The following HADHB variants were observed in gnomAD, a reference collection of about 807,000 sequenced individuals.
The protein encoded by HADHB is trifunctional enzyme subunit beta, mitochondrial.
HADHB carries 50 observed loss-of-function variants against 61.9 expected under a neutral mutation model. The ratio of observed to expected loss-of-function variants is 0.81; its 90% confidence interval spans 0.64 to 1.02. The LOEUF (loss-of-function observed/expected upper bound fraction) is 1.02, where lower values mean the gene tolerates loss of function less well. HADHB is among the 50% of genes least tolerant of loss of function. The probability of loss-of-function intolerance (pLI) is 0.00; values close to 1 mark genes in which losing one functional copy is unlikely to be tolerated. For missense variants in HADHB, 504 were observed against 586.5 expected (o/e 0.86, Z 1.45); for synonymous variants, 191 against 201.6 (o/e 0.95, Z 0.45).
chr2:26,283,306 C>T (rs532542876), intron 12 of HADHB, among the ~76,000 whole-genome samples: 24 of 152,174 alleles, frequency 1.6e-4, no homozygotes, highest in South Asian at 4.2e-4. Context: ...GGGCAGACCA[C>T]GAGGTCAGGA....
intron 4 of HADHB, among the ~76,000 whole-genome samples, chr2:26,267,890 A>G (rs937036251): frequency 2.0e-5 from 3 of 151,956 alleles, no homozygotes; most frequent in Non-Finnish European, 4.4e-5. Context: ...ATGTAATCCC[A>G]GCACTTTGGG....
At chr2:26,256,768 T>C (rs936752458) in intron 3 of HADHB, among the ~76,000 whole-genome samples, 3 of 152,166 alleles carry the variant, frequency 2.0e-5, no homozygotes, top group Non-Finnish European at 4.4e-5. Context: ...AGCTCTCAAT[T>C]CAGATTCTTA....
chr2:26,290,380 G>A lies in HADHB; in HGVS notation c.*427G>A, dbSNP rs990166765. ...TAATTAATTATGGAAAAATAATTCAGAATCTAAACACCACTGAAAACTTAT... is the reference window on the plus strand; with the variant it reads ...TAATTAATTATGGAAAAATAATTCAAAATCTAAACACCACTGAAAACTTAT... On this transcript the variant is annotated 3_prime_UTR_variant, in exon 16 of 16. Coordinates refer to ENST00000317799, the MANE Select transcript of HADHB (RefSeq NM_000183.3). The A allele has an allele frequency of 5.1e-6, 1 of 196,810 alleles. No individual in the cohort carries two copies. The highest frequency in any genetic ancestry group is 2.4e-5 in the African/African-American group (1 of 42,306). The allele number at this position is 196,810 out of a possible 1,614,324, so 12.2% of individuals were successfully genotyped here.
intron 3 of HADHB, among the ~76,000 whole-genome samples, chr2:26,259,250 C>G (rs1671764727): frequency 6.6e-6 from 1 of 152,174 alleles, no homozygotes; most frequent in African/African-American, 2.4e-5. Context: ...AATGAGTACT[C>G]AGACACAGGT....
chr2:26,249,202 C>T (rs1243960113), intron 1 of HADHB, among the ~76,000 whole-genome samples: 1 of 152,014 alleles, frequency 6.6e-6, no homozygotes, highest in Non-Finnish European at 1.5e-5. Context: ...CTTTCAGTTG[C>T]AAATAACAGA....
intron 5 of HADHB, among the ~76,000 whole-genome samples, chr2:26,273,410 T>C (rs1278867214): frequency 6.6e-6 from 1 of 152,206 alleles, no homozygotes; most frequent in Non-Finnish European, 1.5e-5. Flanking sequence ...TTCCAAATTA[T>C]TTTTTATTCT....
At chr2:26,261,164 C>A (rs1671845406) in intron 3 of HADHB, 3 of 610,234 alleles carry the variant, frequency 4.9e-6, no homozygotes, top group Non-Finnish European at 8.9e-6. Flanking sequence ...GGGCAACTCC[C>A]TTTAGAGGGG....
intron 1 of HADHB, among the ~76,000 whole-genome samples, chr2:26,249,849 A>G (rs925765832): frequency 1.3e-5 from 2 of 152,032 alleles, no homozygotes; most frequent in African/African-American, 4.8e-5. Context: ...ACCTGAATCA[A>G]TGATCTTGGC....
rs754911487 is a variant in HADHB, at chr2:26,289,994, C to CAA, written c.*42_*43insAA. ...TGACCTGAAGTTTCTGTGCAACACTCACACTAGGCAATGCCATTTCAATGC... is the reference window on the plus strand; with the variant it reads ...TGACCTGAAGTTTCTGTGCAACACTCAAACACTAGGCAATGCCATTTCAATGC... On this transcript the variant is annotated 3_prime_UTR_variant, in exon 16 of 16. Coordinates refer to ENST00000317799, the MANE Select transcript of HADHB (RefSeq NM_000183.3). 5 of 1,351,868 alleles carry CAA rather than the reference C, an allele frequency of 3.7e-6. No homozygotes were observed. In the Admixed American group the frequency reaches 8.4e-5, roughly 23 times the overall value. 83.7% of individuals were successfully genotyped at this position (1,351,868 alleles called of 1,614,324 possible).
intron 9 of HADHB, 118 bp downstream of exon 9, chr2:26,279,433 T>C: frequency 1.3e-6 from 1 of 761,504 alleles, no homozygotes; most frequent in Non-Finnish European, 2.3e-6. Flanking sequence ...GTATTCAGCC[T>C]TTATTCTTAA....
At chr2:26,289,700 G>A (rs1386434976) in intron 15 of HADHB, among the ~76,000 whole-genome samples, 3 of 151,990 alleles carry the variant, frequency 2.0e-5, no homozygotes, top group African/African-American at 7.3e-5. Context: ...GTTATGTGAT[G>A]CCCACAAAAA....
At position 26,263,386 on chromosome 2, in the gene HADHB, A is replaced by G. The variant is rs765893367; in HGVS notation, c.116A>G (p.Gln39Arg). 1.9e-6 allele frequency: 3 copies of G among 1,600,870 alleles called. No individual in the cohort carries two copies. Among genetic ancestry groups the G allele is most frequent in the Non-Finnish European group, 2.6e-6 (3 of 1,168,108 alleles). The change falls in exon 4 of 16, where the codon CAG becomes CGG. Residue 39 changes from glutamine to arginine, a missense_variant. By Grantham distance (43) the Gln-to-Arg change is conservative. Transcript: ENST00000317799. ...SSQLRAAPAVQTKTKKTLAKP... is the reference protein window; with the variant it reads ...SSQLRAAPAVRTKTKKTLAKP... ...TTTAAACTTTATCTTAAAGCTGTCC[A>G]GACCAAAACGAAGAAGACGTTAGCC...
intron 4 of HADHB, among the ~76,000 whole-genome samples, chr2:26,269,114 A>G (rs561060713): frequency 5.9e-5 from 9 of 151,478 alleles, no homozygotes; most frequent in Non-Finnish European, 1.3e-4. Context: ...GCGCCATTGC[A>G]CTTCAGCCTG....
chr2:26,289,932 A>G lies in HADHB; in HGVS notation c.1404A>G (p.Ile468Met), dbSNP rs1332455574. ...CAAGGQGHAM[I>M]VEAYPK ...TTTCTTTACAGGGCCATGCTATGAT[A>G]GTGGAAGCTTATCCAAAATAATAGA... Residue 468 changes from isoleucine to methionine, a missense_variant, in exon 16 of 16, where the codon ATA becomes ATG. Transcript: ENST00000317799. The G allele has an allele frequency of 1.2e-6, 2 of 1,609,030 alleles. No homozygotes were observed.
rs1188074983 is a variant in HADHB at position 26,279,176 on chromosome 2, C to G, written c.672C>G (p.Gly224=). The G allele has an allele frequency of 1.2e-6, 2 of 1,613,872 alleles. No individual in the cohort carries two copies. Among genetic ancestry groups the G allele is most frequent in the African/African-American group, 2.7e-5 (2 of 74,904 alleles). The change falls in exon 9 of 16, where the codon GGC becomes GGG. Residue 224 remains glycine (G), a synonymous_variant. Transcript: ENST00000317799. The part of the protein sequence containing the change: ...VSEFSTSETM[G]HSADRLAAAF... Reference sequence around the variant, plus strand: ...AGTTCTCCACCAGTGAGACCATGGGCCACTCTGCAGACCGACTGGCCGCTG... The same window carrying G: ...AGTTCTCCACCAGTGAGACCATGGGGCACTCTGCAGACCGACTGGCCGCTG...
intron 9 of HADHB, 105 bp downstream of exon 9, chr2:26,279,420 A>G (rs2147825811): frequency 1.2e-6 from 1 of 820,498 alleles, no homozygotes; most frequent in Non-Finnish European, 2.1e-6. Context: ...TTCTGTTTCC[A>G]AAGTATTCAG....
At chr2:26,252,180 A>G (rs949255299) in intron 1 of HADHB, among the ~76,000 whole-genome samples, 4 of 152,220 alleles carry the variant, frequency 2.6e-5, no homozygotes, top group Admixed American at 1.3e-4. Flanking sequence ...ATGCTGCAGT[A>G]TCTCTTATAG....
rs149654077 is a variant in HADHB, at chr2:26,264,218, G to A, written c.209+739G>A. Among the ~76,000 whole-genome samples, 983 of 152,040 alleles carry A rather than the reference G, an allele frequency of 6.5e-3. 13 individuals are homozygous for A. The highest frequency in any genetic ancestry group is 0.023 in the African/African-American group (935 of 41,416). On this transcript the variant is annotated intron_variant, in intron 4 of 15. Coordinates refer to ENST00000317799, the MANE Select transcript of HADHB (RefSeq NM_000183.3). ...GAGACCTATCTTTATATACTAATAT[G>A]GAAGACCTAAGATCTTGAAGATATG... is the stretch of plus-strand genomic sequence containing the variant.
intron 1 of HADHB, among the ~76,000 whole-genome samples, chr2:26,246,685 C>T (rs1045344103): frequency 6.6e-6 from 1 of 152,006 alleles, no homozygotes. Flanking sequence ...AGCTAGAGGC[C>T]CGTGTGTTGT....
Sources: gnomAD v4.1 joint callset for allele counts (sites outside exome capture counted in the v4.1 genomes callset) on GRCh38, gnomAD v4.1.1 for gene constraint, MANE v1.5 for transcripts, NCBI Gene and HGNC (gene_info 2026-07-23, HGNC 2026-07-21) for gene names.